ZNF540: variants seen among roughly 807,000 people sequenced by gnomAD.
The protein encoded by ZNF540 is CTD-3064H18.6.
A neutral mutation model predicts 11.8 loss-of-function variants in ZNF540; 3 were observed. That is an observed-to-expected ratio of 0.25 (90% CI 0.12 to 0.65). The LOEUF is 0.65. Ranked by LOEUF, ZNF540 falls within the 30% of genes least tolerant of loss-of-function variation. ZNF540 has a pLI of 0.83. For synonymous variants in ZNF540, 247 were observed against 259.0 expected, an observed-to-expected ratio of 0.95 and a Z score of 0.45; for missense variants, 709 against 793.1, an observed-to-expected ratio of 0.89 and a Z score of 1.27.
chr19:37,603,038 G>C (rs1316518373), intron 4 of ZNF540, among the ~76,000 whole-genome samples: 1 of 101,490 alleles, frequency 9.9e-6, no homozygotes, highest in East Asian at 3.9e-4. Flanking sequence ...ACAGAGTTTT[G>C]CTCTTGTTGC....
At chr19:37,557,214 CG>C (rs2042669180) in intron 1 of ZNF540, among the ~76,000 whole-genome samples, 1 of 152,186 alleles carries the variant, frequency 6.6e-6, no homozygotes, top group Non-Finnish European at 1.5e-5. Context: ...CAAGTTTCTT[CG>C]GAGACGGTGG....
chr19:37,594,075 G>A (rs2043945645), upstream of ZNF540: 1 of 152,090 alleles, frequency 6.6e-6, no homozygotes, highest in African/African-American at 2.4e-5. Flanking sequence ...AACAATTTAG[G>A]ATAACACCAA....
At chr19:37,571,972 T>C (rs2043070863) in intron 1 of ZNF540, among the ~76,000 whole-genome samples, 1 of 152,236 alleles carries the variant, frequency 6.6e-6, no homozygotes, top group Non-Finnish European at 1.5e-5. Context: ...ATATCTTTTT[T>C]TATGATCTAA....
intron 3 of ZNF540, among the ~76,000 whole-genome samples, chr19:37,600,439 G>A (rs923247564): frequency 2.0e-5 from 3 of 151,994 alleles, no homozygotes; most frequent in Admixed American, 6.6e-5. Context: ...GAATATCTTA[G>A]CAAGAACCTA....
rs777107868 is a variant in ZNF540, at chr19:37,612,968, G to A, written c.1688G>A (p.Arg563His). 1.9e-5 allele frequency: 30 copies of A among 1,614,044 alleles called. 1 individual carries two copies. Among genetic ancestry groups the A allele is most frequent in the South Asian group, 1.8e-4 (16 of 91,084 alleles). ...CKECGKSFSR[R>H]GQFTEHQKIH... is the part of the protein sequence containing the mutation. ...GAATGTGGGAAGTCCTTTAGTCGGC[G>A]TGGGCAGTTCACTGAACATCAGAAA... Residue 563 changes from arginine (R) to histidine (H), a missense_variant, in exon 5 of 5, where the codon CGT becomes CAT. Arg to His is a conservative substitution (Grantham distance 29, BLOSUM62 0). Transcript: ENST00000316433.
intron 1 of ZNF540, among the ~76,000 whole-genome samples, chr19:37,553,210 T>G (rs1291137941): frequency 8.1e-6 from 1 of 122,742 alleles, no homozygotes; most frequent in Non-Finnish European, 1.6e-5. Context: ...CTCGGCTCAC[T>G]GCAACCTCCA....
Position 37,613,822 on chromosome 19 carries a change from T to C in ZNF540, c.*559T>C, listed in dbSNP as rs1266725107. The stretch of plus-strand genomic sequence containing the variant: ...GTTTGTGTTCCCGTAACAATTCCTA[T>C]GTTGAAACACGAATCCCAAGGTGAT... On this transcript the variant is annotated 3_prime_UTR_variant, in exon 5 of 5. Transcript: ENST00000316433. The C allele has an allele frequency of 7.5e-6, 3 of 398,630 alleles. No individual in the cohort carries two copies. The highest frequency in any genetic ancestry group is 6.3e-4 in the Middle Eastern group (1 of 1,588). The allele number at this position is 398,630 out of a possible 1,614,324, so 24.7% of individuals were successfully genotyped here.
At chr19:37,558,924 A>C (rs2042689639) in intron 1 of ZNF540, among the ~76,000 whole-genome samples, 1 of 152,104 alleles carries the variant, frequency 6.6e-6, no homozygotes, top group Non-Finnish European at 1.5e-5. Context: ...AGCTCACTGC[A>C]ATCTTGACCT....
chr19:37,603,864 G>T (rs1159384092), intron 4 of ZNF540, among the ~76,000 whole-genome samples: 3 of 152,060 alleles, frequency 2.0e-5, no homozygotes, highest in Non-Finnish European at 1.5e-5. Flanking sequence ...TCTATATCAA[G>T]CCAAATTCTG....
intron 1 of ZNF540, chr19:37,597,685 C>T (rs2044006946): frequency 6.6e-6 from 1 of 152,376 alleles, no homozygotes; most frequent in African/African-American, 2.4e-5. Context: ...CCTTGACCTC[C>T]CAAAGTGCTG....
At chr19:37,599,263 G>A (rs905208755) in intron 2 of ZNF540, among the ~76,000 whole-genome samples, 2 of 152,072 alleles carry the variant, frequency 1.3e-5, no homozygotes, top group Non-Finnish European at 2.9e-5. Context: ...TTTTCTTAAA[G>A]TATTTATTAT....
intron 1 of ZNF540, among the ~76,000 whole-genome samples, chr19:37,581,298 CTAACA>C (rs2043450013): frequency 6.6e-6 from 1 of 152,016 alleles, no homozygotes; most frequent in Non-Finnish European, 1.5e-5. Flanking sequence ...ACAACTTGTA[CTAACA>C]TAATAATACA....
intron 1 of ZNF540, among the ~76,000 whole-genome samples, chr19:37,589,738 C>T (rs1054300418): frequency 6.6e-6 from 1 of 151,442 alleles, no homozygotes; most frequent in African/African-American, 2.4e-5. Flanking sequence ...TGGTGGCGGG[C>T]ATCTGTAATC....
chr19:37,608,632 G>A (rs2044102827), intron 4 of ZNF540, among the ~76,000 whole-genome samples: 1 of 139,298 alleles, frequency 7.2e-6, no homozygotes, highest in Non-Finnish European at 1.7e-5. Flanking sequence ...GGGAAACATA[G>A]TAAATAGGCC....
At chr19:37,552,728 A>C (rs1286353229) in intron 1 of ZNF540, among the ~76,000 whole-genome samples, 1 of 152,172 alleles carries the variant, frequency 6.6e-6, no homozygotes, top group Non-Finnish European at 1.5e-5. Context: ...TGGTGGGATC[A>C]CTTGGAGTCA....
At chr19:37,605,929 G>A (rs1326360687) in intron 4 of ZNF540, among the ~76,000 whole-genome samples, 2 of 152,082 alleles carry the variant, frequency 1.3e-5, no homozygotes, top group African/African-American at 2.4e-5. Flanking sequence ...TTTTATTGAG[G>A]TATAATTTAC....
chr19:37,596,123 G>T (rs2043991714), intron 1 of ZNF540, among the ~76,000 whole-genome samples: 2 of 152,148 alleles, frequency 1.3e-5, no homozygotes, highest in Non-Finnish European at 2.9e-5. Flanking sequence ...TGACAACCAG[G>T]ATGTTGACAT....
chr19:37,565,302 A>G (rs1174636067), intron 1 of ZNF540: 1 of 1,610,982 alleles, frequency 6.2e-7, no homozygotes, highest in Admixed American at 1.7e-5. Context: ...GTAAGTTGTG[A>G]GCCACGAAAA....
intron 1 of ZNF540, chr19:37,586,593 T>C (rs373003853): frequency 2.2e-4 from 347 of 1,571,856 alleles, no homozygotes; most frequent in Non-Finnish European, 2.9e-4. Context: ...AGGCAGGAAA[T>C]TCTGGGATAA....
Sources: allele counts gnomAD v4.1 joint callset (sites outside exome capture counted in the v4.1 genomes callset), GRCh38; gene constraint gnomAD v4.1.1; transcripts MANE v1.5; gene names NCBI Gene and HGNC (gene_info 2026-07-23, HGNC 2026-07-21).